The following EPOR variants were observed in gnomAD, a reference collection of about 807,000 sequenced individuals.
EPOR encodes the protein erythropoietin receptor.
A neutral mutation model predicts 34.3 loss-of-function variants in EPOR; 20 were observed. That is an observed-to-expected ratio of 0.58 (90% CI 0.41 to 0.85). EPOR has a LOEUF of 0.85. EPOR is among the 40% of genes least tolerant of loss of function. The pLI is 0.00. For missense variants in EPOR, 601 were observed against 672.7 expected (o/e 0.89, Z 1.18); for synonymous variants, 312 against 299.0 (o/e 1.04, Z -0.45).
chr19:11,378,412 T>C lies in EPOR; in HGVS notation c.1099A>G (p.Thr367Ala), dbSNP rs749575993. 1 of 1,613,778 alleles carries C rather than the reference T, an allele frequency of 6.2e-7. No homozygotes were observed. The highest frequency in any genetic ancestry group is 8.5e-7 in the Non-Finnish European group (1 of 1,180,010). The change falls in exon 8 of 8, where the codon ACC becomes GCC. Residue 367 changes from threonine (T) to alanine (A), a missense_variant. Thr to Ala is a moderately conservative substitution (Grantham distance 58). Coordinates refer to ENST00000222139, the MANE Select transcript of EPOR (RefSeq NM_000121.4). The surrounding 1 kb of genome is among the most constrained non-coding windows in gnomAD (Gnocchi z 5.3). ...EPVGSEHAQD[T>A]YLVLDKWLLP... is the part of the protein sequence containing the mutation. Reference sequence around the variant, plus strand: ...AACCATTTGTCCAGCACCAGATAGGTATCCTGGGCATGCTCACTGCCCACT... The same window carrying C: ...AACCATTTGTCCAGCACCAGATAGGCATCCTGGGCATGCTCACTGCCCACT...
In EPOR at chr19:11,378,245, G is replaced by A; in HGVS notation, c.1266C>T (p.Ala422=). 1 of 1,614,124 alleles carries A rather than the reference G, an allele frequency of 6.2e-7. No individual in the cohort carries two copies. The highest frequency in any genetic ancestry group is 8.5e-7 in the Non-Finnish European group (1 of 1,180,018). Residue 422 remains alanine, a synonymous_variant, in exon 8 of 8, where the codon GCC becomes GCT. Coordinates refer to ENST00000222139, the MANE Select transcript of EPOR (RefSeq NM_000121.4). This position sits in a 1 kb window ranked among gnomAD's most constrained non-coding sequence, Gnocchi z 5.3. ...SKPSPEGASA[A]SFEYTILDPS... ...GGTCCAGGATAGTGTACTCAAAGCT[G>A]GCAGCAGAGGCTCCCTCTGGGCTGG... is the stretch of plus-strand genomic sequence containing the variant.
intron 2 of EPOR, among the ~76,000 whole-genome samples, 191 bp from the exon 3 acceptor site, chr19:11,382,296 G>C (rs1398679168): frequency 6.6e-6 from 1 of 151,970 alleles, no homozygotes; most frequent in African/African-American, 2.4e-5. Context: ...AAATTCTGGG[G>C]CTTAAGGGAT....
chr19:11,380,788 G>T, intron 6 of EPOR, 96 bp downstream of exon 6: 1 of 998,396 alleles, frequency 1.0e-6, no homozygotes, highest in Non-Finnish European at 1.6e-6. Context: ...GTGACCTTGG[G>T]CAAGTGCGTG....
At position 11,377,795 on chromosome 19, in the gene EPOR, AC is replaced by A. The variant is rs1425622909; in HGVS notation, c.*188del. On this transcript the variant is annotated 3_prime_UTR_variant, in exon 8 of 8. Transcript: ENST00000222139. ...CATATGTGTATATATATATATAGATACAAAAAAAAACTATACATATTTAAAA... is the reference window on the plus strand; with the variant it reads ...CATATGTGTATATATATATATAGATAAAAAAAAAACTATACATATTTAAAA... 1 of 749,302 alleles carries A rather than the reference AC, an allele frequency of 1.3e-6. No individual in the cohort carries two copies. The highest frequency in any genetic ancestry group is 2.4e-6 in the Non-Finnish European group (1 of 417,152). The allele number at this position is 749,302 out of a possible 1,614,324, so 46.4% of individuals were successfully genotyped here.
Position 11,378,038 on chromosome 19 carries a change from G to A in EPOR, c.1473C>T (p.Asn491=), listed in dbSNP as rs776340905. The stretch of plus-strand genomic sequence containing the variant: ...GAGGCTCAGCGGCTGGGATAAGGCT[G>A]TTCTCATAAGGGTTGGAGTAGGGGC... ...SDGPYSNPYE[N]SLIPAAEPLP... is the part of the protein sequence containing the mutation. Residue 491 remains asparagine (N), a synonymous_variant, in exon 8 of 8, where the codon AAC becomes AAT. Transcript: ENST00000222139. The surrounding 1 kb of genome is among the most constrained non-coding windows in gnomAD (Gnocchi z 5.3). 12 of 1,614,174 alleles carry A rather than the reference G, an allele frequency of 7.4e-6. No homozygotes were observed. The South Asian group carries it at 7.7e-5, about 10-fold the overall frequency.
chr19:11,383,921 G>A lies in EPOR; in HGVS notation c.115+172C>T, dbSNP rs1968400189. On this transcript the variant is annotated intron_variant, in intron 1 of 7. Transcript: ENST00000222139. The surrounding 1 kb of genome is among the most constrained non-coding windows in gnomAD (Gnocchi z 4.9). ...CTTGGATCCTAACATACCCCACCCC[G>A]CCCCCCACCCATCCAGGACCCAGTC... Among the ~76,000 whole-genome samples the A allele has an allele frequency of 8.3e-6, 1 of 120,232 alleles. No individual in the cohort carries two copies. The highest frequency in any genetic ancestry group is 1.8e-5 in the Non-Finnish European group (1 of 56,232). The allele number at this position is 120,232 out of a possible 152,430, so 78.9% of individuals were successfully genotyped here.
intron 6 of EPOR, among the ~76,000 whole-genome samples, chr19:11,380,341 C>CT (rs1968338891): frequency 6.6e-6 from 1 of 152,218 alleles, no homozygotes; most frequent in Non-Finnish European, 1.5e-5. Context: ...GTTTGGCACT[C>CT]TGTTTGTATT....
chr19:11,381,760 G>T lies in EPOR; in HGVS notation c.517C>A (p.Pro173Thr). 6.2e-7 allele frequency: 1 copy of T among 1,613,428 alleles called. No individual in the cohort carries two copies. The highest frequency in any genetic ancestry group is 8.5e-7 in the Non-Finnish European group (1 of 1,179,766). The change falls in exon 4 of 8, where the codon CCC (proline) becomes ACC (threonine). Residue 173 changes from proline (P) to threonine (T), a missense_variant. Transcript: ENST00000222139. This position sits in a 1 kb window ranked among gnomAD's most constrained non-coding sequence, Gnocchi z 5.3. ...TCGTAGCGGATGTGAGACGTCATGG[G>T]TGTCTCAGGCGGCGGGAGCCAGCGC... is the stretch of plus-strand genomic sequence containing the variant. ...VLRWLPPPET[P>T]MTSHIRYEVD...
At chr19:11,380,003 G>A (rs1285927238) in intron 6 of EPOR, among the ~76,000 whole-genome samples, 2 of 152,210 alleles carry the variant, frequency 1.3e-5, no homozygotes, top group Non-Finnish European at 2.9e-5. Context: ...GCCAGGCCAT[G>A]CCATGTGGCA....
chr19:11,378,075 C>G lies in EPOR; in HGVS notation c.1436G>C (p.Gly479Ala). The G allele has an allele frequency of 6.2e-7, 1 of 1,614,118 alleles. No homozygotes were observed. The highest frequency in any genetic ancestry group is 1.3e-5 in the African/African-American group (1 of 75,046). Residue 479 changes from glycine (G) to alanine (A), a missense_variant, in exon 8 of 8, where the codon GGC (glycine) becomes GCC (alanine). Transcript: ENST00000222139. This position sits in a 1 kb window ranked among gnomAD's most constrained non-coding sequence, Gnocchi z 5.3. The stretch of plus-strand genomic sequence containing the variant: ...GTTGGAGTAGGGGCCATCGGATAAG[C>G]CCCCTTGGGCTCCCTGGGAGTCCCC... ...SSGDSQGAQG[G>A]LSDGPYSNPY...
chr19:11,378,536 C>T lies in EPOR; in HGVS notation c.975G>A (p.Glu325=), dbSNP rs748035060. ...GGACTTCCAGGGAAGCAGGTGGGTC[C>T]TCCGTGAAGGGGGTGCAGGGGCTCC... ...LWWSPCTPFT[E]DPPASLEVLS... The change falls in exon 8 of 8, where the codon GAG becomes GAA. Residue 325 remains glutamate (E), a synonymous_variant. Coordinates refer to ENST00000222139, the MANE Select transcript of EPOR (RefSeq NM_000121.4). The surrounding 1 kb of genome is among the most constrained non-coding windows in gnomAD (Gnocchi z 5.3). The T allele has an allele frequency of 2.3e-5, 37 of 1,614,068 alleles. No individual in the cohort carries two copies. Among genetic ancestry groups the T allele is most frequent in the Middle Eastern group, 1.6e-4 (1 of 6,084 alleles).
rs1968316882 is a variant in EPOR at position 11,378,666 on chromosome 19, C to T, written c.915+25G>A. On this transcript the variant is annotated intron_variant, in intron 7 of 7. Coordinates refer to ENST00000222139, the MANE Select transcript of EPOR (RefSeq NM_000121.4). This position sits in a 1 kb window ranked among gnomAD's most constrained non-coding sequence, Gnocchi z 5.3. The stretch of plus-strand genomic sequence containing the variant: ...TGCAAGAAGCAGGGAAGCCCAGGCA[C>T]TGAGGGGACAACCAGGCCACCTACC... The T allele has an allele frequency of 1.2e-6, 2 of 1,614,190 alleles. No homozygotes were observed. The highest frequency in any genetic ancestry group is 2.2e-5 in the South Asian group (2 of 91,088).
rs1196238872 is a variant in EPOR, at chr19:11,383,009, G to T, written c.251+88C>A. 1 of 1,604,986 alleles carries T rather than the reference G, an allele frequency of 6.2e-7. No individual in the cohort carries two copies. Among genetic ancestry groups the T allele is most frequent in the East Asian group, 2.2e-5 (1 of 44,824 alleles). On this transcript the variant is annotated intron_variant, in intron 2 of 7. Coordinates refer to ENST00000222139, the MANE Select transcript of EPOR (RefSeq NM_000121.4). The surrounding 1 kb of genome is among the most constrained non-coding windows in gnomAD (Gnocchi z 4.9). The stretch of plus-strand genomic sequence containing the variant: ...TGGAGGCGCCGTCGGGCCTCAAACA[G>T]CAGGGGACATACGAGGCTACGACCT...
Position 11,378,776 on chromosome 19 carries a change from G to A in EPOR, c.830C>T (p.Ala277Val). ...GCCAGGCCAGATCTTCTGCTTCAGA[G>A]CCCTGTTGAAGCCAATATAAATAGT... ...TVLALLSHRR[A>V]LKQKIWPGIP... The change falls in exon 7 of 8, where the codon GCT (alanine) becomes GTT (valine). Residue 277 changes from alanine to valine, a missense_variant and splice_region_variant. By Grantham distance (64) the Ala-to-Val change is moderately conservative. Coordinates refer to ENST00000222139, the MANE Select transcript of EPOR (RefSeq NM_000121.4). The surrounding 1 kb of genome is among the most constrained non-coding windows in gnomAD (Gnocchi z 5.3). 2 of 1,613,930 alleles carry A rather than the reference G, an allele frequency of 1.2e-6. No homozygotes were observed. The highest frequency in any genetic ancestry group is 2.2e-5 in the East Asian group (1 of 44,886).
intron 2 of EPOR, among the ~76,000 whole-genome samples, chr19:11,382,511 G>A (rs1292822587): frequency 6.6e-6 from 1 of 152,024 alleles, no homozygotes; most frequent in Non-Finnish European, 1.5e-5. Flanking sequence ...TCACAGGCAT[G>A]CGCCACCACG....
rs762427207 is a variant in EPOR at position 11,378,057 on chromosome 19, T to C, written c.1454A>G (p.Tyr485Cys). The C allele has an allele frequency of 1.4e-5, 22 of 1,613,770 alleles. No individual in the cohort carries two copies. Among genetic ancestry groups the C allele is most frequent in the Non-Finnish European group, 1.8e-5 (21 of 1,179,936 alleles). Residue 485 changes from tyrosine to cysteine, a missense_variant, in exon 8 of 8, where the codon TAC becomes TGC. Coordinates refer to ENST00000222139, the MANE Select transcript of EPOR (RefSeq NM_000121.4). This position sits in a 1 kb window ranked among gnomAD's most constrained non-coding sequence, Gnocchi z 5.3. ...GAQGGLSDGP[Y>C]SNPYENSLIP... ...AAGGCTGTTCTCATAAGGGTTGGAG[T>C]AGGGGCCATCGGATAAGCCCCCTTG...
rs1231299934 is a variant in EPOR, at chr19:11,378,845, C to T, written c.828-67G>A. On this transcript the variant is annotated intron_variant, in intron 6 of 7. Coordinates refer to ENST00000222139, the MANE Select transcript of EPOR (RefSeq NM_000121.4). This position sits in a 1 kb window ranked among gnomAD's most constrained non-coding sequence, Gnocchi z 5.3. ...TGAATACTCACCAATTCCCCCTCCACTCCCAGTCATAGAGGCACAGATACA... is the reference window on the plus strand; with the variant it reads ...TGAATACTCACCAATTCCCCCTCCATTCCCAGTCATAGAGGCACAGATACA... The T allele has an allele frequency of 3.4e-6, 5 of 1,478,446 alleles. No homozygotes were observed. The highest frequency in any genetic ancestry group is 3.8e-6 in the Non-Finnish European group (4 of 1,065,224). 91.6% of individuals were successfully genotyped at this position (1,478,446 alleles called of 1,614,324 possible).
chr19:11,383,058 T>G lies in EPOR; in HGVS notation c.251+39A>C. ...CTCCAGGGAGCTCTGCCCCACCCCC[T>G]CCCTCCGCCCTTGGAGGCACCCGCC... On this transcript the variant is annotated intron_variant, in intron 2 of 7. Transcript: ENST00000222139. The surrounding 1 kb of genome is among the most constrained non-coding windows in gnomAD (Gnocchi z 4.9). 3.2e-6 allele frequency: 4 copies of G among 1,253,178 alleles called. No individual in the cohort carries two copies. Among genetic ancestry groups the G allele is most frequent in the Non-Finnish European group, 3.5e-6 (3 of 863,322 alleles). 77.6% of individuals were successfully genotyped at this position (1,253,178 alleles called of 1,614,324 possible).
chr19:11,381,900 C>T lies in EPOR; in HGVS notation c.427+30G>A, dbSNP rs766194739. On this transcript the variant is annotated intron_variant, in intron 3 of 7. Transcript: ENST00000222139. This position sits in a 1 kb window ranked among gnomAD's most constrained non-coding sequence, Gnocchi z 5.3. Reference sequence around the variant, plus strand: ...GGGCGAGGACTGAGACCCTCTCCTCCGACCACTCCTCCATTCCCAGAGCAC... The same window carrying T: ...GGGCGAGGACTGAGACCCTCTCCTCTGACCACTCCTCCATTCCCAGAGCAC... 1.2e-6 allele frequency: 2 copies of T among 1,614,078 alleles called. No individual in the cohort carries two copies. Among genetic ancestry groups the T allele is most frequent in the Non-Finnish European group, 1.7e-6 (2 of 1,180,014 alleles).
Sources: allele counts gnomAD v4.1 joint callset (sites outside exome capture counted in the v4.1 genomes callset), GRCh38; gene constraint gnomAD v4.1.1; non-coding constraint Gnocchi (gnomAD v3.1); transcripts MANE v1.5; gene names NCBI Gene and HGNC (gene_info 2026-07-23, HGNC 2026-07-21).